Variants in IGHMBP2 observed in about 807,000 individuals in gnomAD.
IGHMBP2 encodes immunoglobulin mu DNA binding protein 2.
IGHMBP2 carries 81 observed loss-of-function variants against 96.0 expected under a neutral mutation model. The observed-to-expected ratio is 0.84, with a 90% CI of 0.71 to 1.01. IGHMBP2 has a LOEUF of 1.01. Among genes scored for constraint, IGHMBP2 ranks in the 50% least tolerant of loss-of-function variants. IGHMBP2 has a pLI of 0.00. For missense variants in IGHMBP2, 1,227 were observed against 1,306.3 expected, an observed-to-expected ratio of 0.94 and a Z score of 0.94; for synonymous variants, 557 against 548.9, an observed-to-expected ratio of 1.01 and a Z score of -0.21.
Position 68,938,281 on chromosome 11 carries a change from C to T in IGHMBP2, c.2711C>T (p.Ala904Val). 1 of 1,613,712 alleles carries T rather than the reference C, an allele frequency of 6.2e-7. No homozygotes were observed. Among genetic ancestry groups the T allele is most frequent in the Non-Finnish European group, 8.5e-7 (1 of 1,180,030 alleles). ...DNTCGFAKCT[A>V]GVTTLGQFCQ... ...ACCTGCGGCTTTGCCAAGTGCACAG[C>T]CGGCGTCACAACCCTGGGCCAGTTC... The change falls in exon 14 of 15, where the codon GCC (alanine) becomes GTC (valine). Residue 904 changes from alanine (A) to valine (V), a missense_variant. Physicochemically the swap from Ala to Val is moderately conservative, Grantham distance 64. This residue lies in a region of IGHMBP2 where 703 missense variants were observed against 770.3 expected (regional missense o/e 0.91). Coordinates refer to ENST00000255078, the MANE Select transcript of IGHMBP2 (RefSeq NM_002180.3).
chr11:68,935,461 G>A, intron 12 of IGHMBP2, 39 bp downstream of exon 12: 1 of 1,612,816 alleles, frequency 6.2e-7, no homozygotes. Flanking sequence ...GGACAGCACA[G>A]AAGTGAATTT....
intron 2 of IGHMBP2, chr11:68,906,524 C>A (rs1858200650): frequency 2.4e-6 from 1 of 411,834 alleles, no homozygotes; most frequent in Non-Finnish European, 4.4e-6. Context: ...GTTAAAAAAA[C>A]AATTGGGAAT....
intron 2 of IGHMBP2, among the ~76,000 whole-genome samples, chr11:68,907,227 C>G (rs1858237576): frequency 6.6e-6 from 1 of 152,114 alleles, no homozygotes; most frequent in South Asian, 2.1e-4. Flanking sequence ...CGCCACTGCA[C>G]TCTAGCTTGG....
Position 68,934,552 on chromosome 11 carries a change from C to T in IGHMBP2, c.1626C>T (p.Asn542=), listed in dbSNP as rs1382953587. The T allele has an allele frequency of 3.7e-6, 6 of 1,608,962 alleles. No individual in the cohort carries two copies. Among genetic ancestry groups the T allele is most frequent in the East Asian group, 2.2e-5 (1 of 44,750 alleles). The change falls in exon 11 of 15, where the codon AAC becomes AAT. Residue 542 remains asparagine (N), a synonymous_variant. Transcript: ENST00000255078. ...ARDIAVVSPY[N]LQVDLLRQSL... is the part of the protein sequence containing the mutation. ...ACATTGCTGTGGTCTCGCCATACAA[C>T]CTCCAGGTACGAGGGTTTCCTTTTG...
chr11:68,905,740 G>C (rs1458360723), intron 1 of IGHMBP2, among the ~76,000 whole-genome samples: 3 of 152,174 alleles, frequency 2.0e-5, no homozygotes, highest in Non-Finnish European at 2.9e-5. Context: ...GATTTGAACC[G>C]GGGCTGTGGC....
intron 1 of IGHMBP2, 80 bp from the exon 2 acceptor site, chr11:68,905,985 GTTTC>G (rs777862426): frequency 4.4e-6 from 6 of 1,359,436 alleles, no homozygotes; most frequent in South Asian, 2.3e-5. Context: ...CTTTATCTAT[GTTTC>G]TTTCTCTTTT....
At chr11:68,911,988 G>A (rs191948423) in intron 5 of IGHMBP2, among the ~76,000 whole-genome samples, 4 of 152,386 alleles carry the variant, frequency 2.6e-5, no homozygotes, top group East Asian at 3.9e-4. Flanking sequence ...GGAGCTCAGC[G>A]TCTGGTTGAG....
Position 68,936,767 on chromosome 11 carries a change from G to A in IGHMBP2, c.2287G>A (p.Glu763Lys), listed in dbSNP as rs768670979. 1.7e-5 allele frequency: 27 copies of A among 1,613,908 alleles called. No individual in the cohort carries two copies. The highest frequency in any genetic ancestry group is 5.0e-5 in the Admixed American group (3 of 60,016). The change falls in exon 13 of 15, where the codon GAG becomes AAG. Residue 763 changes from glutamate to lysine, a missense_variant. Glu to Lys is a moderately conservative substitution (Grantham distance 56). Coordinates refer to ENST00000255078, the MANE Select transcript of IGHMBP2 (RefSeq NM_002180.3). ...HDRLRVHQIA[E>K]EHGLRHDSSG... ...CAGGCTGCGGGTCCACCAAATAGCC[G>A]AGGAGCACGGGCTGAGGCACGACAG...
Position 68,936,438 on chromosome 11 carries a change from A to G in IGHMBP2, c.1958A>G (p.His653Arg). Reference sequence around the variant, plus strand: ...GATATTGTCCCAGAAAACTATTCCCATGAGAACTCCCAGGGTTCCAGCCAC... The same window carrying G: ...GATATTGTCCCAGAAAACTATTCCCGTGAGAACTCCCAGGGTTCCAGCCAC... ...LDDIVPENYS[H>R]ENSQGSSHAA... Residue 653 changes from histidine to arginine, a missense_variant, in exon 13 of 15, where the codon CAT (histidine) becomes CGT (arginine). His to Arg is a conservative substitution (Grantham distance 29). This residue lies in a region of IGHMBP2 where 703 missense variants were observed against 770.3 expected (regional missense o/e 0.91). Transcript: ENST00000255078. The G allele has an allele frequency of 6.2e-7, 1 of 1,614,064 alleles. No individual in the cohort carries two copies. Among genetic ancestry groups the G allele is most frequent in the African/African-American group, 1.3e-5 (1 of 75,038 alleles).
At chr11:68,907,727 A>AT (rs1187441139) in intron 2 of IGHMBP2, among the ~76,000 whole-genome samples, 17 of 150,424 alleles carry the variant, frequency 1.1e-4, no homozygotes, top group East Asian at 3.9e-4. Context: ...AGAGTTTGAG[A>AT]TTTTTTTTTT....
Position 68,936,133 on chromosome 11 carries a change from G to A in IGHMBP2, c.1757-104G>A, listed in dbSNP as rs748687664. The A allele has an allele frequency of 1.0e-4, 138 of 1,350,770 alleles. No individual in the cohort carries two copies. In the Middle Eastern group the frequency reaches 2.5e-3, roughly 25 times the overall value. The allele number at this position is 1,350,770 out of a possible 1,614,324, so 83.7% of individuals were successfully genotyped here. A position where few individuals can be genotyped will look rare whatever the true frequency, so the allele number is the denominator to read the frequency against. On this transcript the variant is annotated intron_variant, in intron 12 of 14. Transcript: ENST00000255078. Reference sequence around the variant, plus strand: ...CACCCGTGTGGATGGTGGGCCACGCGCAGGGGACTACACTTTTGGTGGTGG... The same window carrying A: ...CACCCGTGTGGATGGTGGGCCACGCACAGGGGACTACACTTTTGGTGGTGG...
Position 68,917,854 on chromosome 11 carries a change from C to T in IGHMBP2, c.1031C>T (p.Ser344Leu), listed in dbSNP as rs368481743. 28 of 1,614,150 alleles carry T rather than the reference C, an allele frequency of 1.7e-5. No homozygotes were observed. The highest frequency in any genetic ancestry group is 1.1e-4 in the African/African-American group (8 of 75,062). Residue 344 changes from serine (S) to leucine (L), a missense_variant, in exon 7 of 15, where the codon TCG becomes TTG. Around this residue, in one of 3 missense-constraint regions of IGHMBP2, gnomAD observed 507 missense variants for 496.9 expected, o/e 1.02. Coordinates refer to ENST00000255078, the MANE Select transcript of IGHMBP2 (RefSeq NM_002180.3). The stretch of plus-strand genomic sequence containing the variant: ...GCAGCTATGCTCGAGAGCCTCACTT[C>T]GGCAAACGTGGTCCTTGCAACAAAC... Reference protein sequence around the residue: ...EEAAMLESLTSANVVLATNTG... With the variant: ...EEAAMLESLTLANVVLATNTG...
intron 6 of IGHMBP2, among the ~76,000 whole-genome samples, chr11:68,917,049 C>T (rs1444448965): frequency 1.5e-5 from 2 of 137,394 alleles, no homozygotes; most frequent in Admixed American, 7.9e-5. Flanking sequence ...GGTGCAATCT[C>T]GGCTCACTGC....
chr11:68,938,701 C>A (rs1036116403), intron 14 of IGHMBP2, among the ~76,000 whole-genome samples: 4 of 152,144 alleles, frequency 2.6e-5, no homozygotes, highest in African/African-American at 9.7e-5. Context: ...CTGAGCTGGC[C>A]ATGGCCCGGC....
At chr11:68,922,430 C>G (rs1382886169) in intron 7 of IGHMBP2, among the ~76,000 whole-genome samples, 1 of 152,070 alleles carries the variant, frequency 6.6e-6, no homozygotes, top group Non-Finnish European at 1.5e-5. Flanking sequence ...GAGTCTCACT[C>G]TGTCACCCAG....
intron 8 of IGHMBP2, 36 bp downstream of exon 8, chr11:68,929,393 C>A: frequency 1.3e-6 from 2 of 1,587,716 alleles, no homozygotes; most frequent in Non-Finnish European, 1.7e-6. Context: ...CTTCTCTGCC[C>A]CCGCCCTCCT....
intron 9 of IGHMBP2, 100 bp from the exon 10 acceptor site, chr11:68,933,691 CCCTA>C: frequency 9.5e-7 from 1 of 1,057,606 alleles, no homozygotes; most frequent in Non-Finnish European, 1.4e-6. Flanking sequence ...CATTGTCCTC[CCCTA>C]CCTAAGCCTT....
At chr11:68,913,960 C>T (rs767380173) in intron 5 of IGHMBP2, among the ~76,000 whole-genome samples, 15 of 151,998 alleles carry the variant, frequency 9.9e-5, no homozygotes, top group Non-Finnish European at 1.6e-4. Flanking sequence ...ATGGTGCAGC[C>T]GAGGAGATGA....
chr11:68,906,987 C>T (rs569723200), intron 2 of IGHMBP2, among the ~76,000 whole-genome samples: 4 of 150,912 alleles, frequency 2.7e-5, no homozygotes, highest in Admixed American at 2.6e-4. Context: ...TAAAACTACA[C>T]GTGACTGGGT....
Sources: allele counts gnomAD v4.1 joint callset (sites outside exome capture counted in the v4.1 genomes callset), GRCh38; gene constraint gnomAD v4.1.1; regional missense constraint gnomAD v4.1.1; transcripts MANE v1.5; gene names NCBI Gene and HGNC (gene_info 2026-07-23, HGNC 2026-07-21).